ITPK1: variants seen among roughly 807,000 people sequenced by gnomAD.
ITPK1 encodes the protein inositol-tetrakisphosphate 1-kinase.
A neutral mutation model predicts 45.3 loss-of-function variants in ITPK1; 21 were observed. That is an observed-to-expected ratio of 0.46 (90% CI 0.33 to 0.67). ITPK1 has a LOEUF of 0.67. ITPK1 is among the 30% of genes least tolerant of loss of function. The pLI is 0.02. For missense variants in ITPK1, 474 were observed against 573.5 expected (o/e 0.83, Z 1.77); for synonymous variants, 258 against 253.6 (o/e 1.02, Z -0.16).
intron 3 of ITPK1, among the ~76,000 whole-genome samples, chr14:93,019,966 G>A (rs1888387298): frequency 6.6e-6 from 1 of 152,214 alleles, no homozygotes; most frequent in Admixed American, 6.5e-5. Flanking sequence ...GACGGGGTCT[G>A]GTTTGTCCCT....
At chr14:93,067,837 G>A (rs1320706317) in intron 3 of ITPK1, 2 of 153,086 alleles carry the variant, frequency 1.3e-5, no homozygotes, top group Non-Finnish European at 2.9e-5. Flanking sequence ...CATAGCCTAA[G>A]CAAATAGTAA....
Position 92,985,327 on chromosome 14 carries a change from G to A in ITPK1, c.364+8553C>T, listed in dbSNP as rs181279570. Among the ~76,000 whole-genome samples the A allele has an allele frequency of 2.4e-3, 359 of 152,194 alleles. 4 individuals are homozygous for A. Among genetic ancestry groups the A allele is most frequent in the African/African-American group, 8.5e-3 (351 of 41,530 alleles). ...ATTTAGGTCTTTCAATTATTGAATA[G>A]TTATCAATGTGAACTTCCTGGTTTA... is the stretch of plus-strand genomic sequence containing the variant. On this transcript the variant is annotated intron_variant, in intron 5 of 10. Transcript: ENST00000267615.
Position 93,025,341 on chromosome 14 carries a change from G to A in ITPK1, c.121-8540C>T, listed in dbSNP as rs371944137. ...TTGCTGTCTTTCTACTTTAGTTGTG[G>A]TGGTTTTGCCAGGCAGAAAATCTTG... On this transcript the variant is annotated intron_variant, in intron 3 of 10. Coordinates refer to ENST00000267615, the MANE Select transcript of ITPK1 (RefSeq NM_014216.6). Among the ~76,000 whole-genome samples, 6 of 152,360 alleles carry A rather than the reference G, an allele frequency of 3.9e-5. No homozygotes were observed. In the South Asian group the frequency reaches 8.3e-4, roughly 21 times the overall value.
At chr14:93,082,017 C>T (rs1010145023) in intron 2 of ITPK1, among the ~76,000 whole-genome samples, 33 of 151,450 alleles carry the variant, frequency 2.2e-4, no homozygotes, top group African/African-American at 6.1e-4. Context: ...CATCGCACTC[C>T]GGGTGTTGCT....
intron 2 of ITPK1, 27 bp downstream of exon 2, chr14:93,115,042 G>C (rs761175477): frequency 6.7e-7 from 1 of 1,501,226 alleles, no homozygotes; most frequent in South Asian, 1.2e-5. Flanking sequence ...GGGGGTCCCC[G>C]GGCGCCGGCG....
intron 2 of ITPK1, among the ~76,000 whole-genome samples, chr14:93,089,351 G>T (rs1891778109): frequency 6.6e-6 from 1 of 152,164 alleles, no homozygotes; most frequent in Admixed American, 6.5e-5. Context: ...TCTCCACACG[G>T]TTGACAGTCC....
In ITPK1 at chr14:92,981,497, G is replaced by T. The variant is rs1886226770; in HGVS notation, c.364+12383C>A. Among the ~76,000 whole-genome samples, 2 of 151,998 alleles carry T rather than the reference G, an allele frequency of 1.3e-5. 1 individual carries two copies. On this transcript the variant is annotated intron_variant, in intron 5 of 10. Coordinates refer to ENST00000267615, the MANE Select transcript of ITPK1 (RefSeq NM_014216.6). ...CCGCGAGAGCCCCACAGACAACCAG[G>T]ACCACCCCTTCCTGTGGCCCCGAGC...
chr14:92,942,005 G>T, intron 10 of ITPK1, 101 bp from the exon 11 acceptor site: 1 of 996,588 alleles, frequency 1.0e-6, no homozygotes, highest in Non-Finnish European at 1.5e-6. Flanking sequence ...CTGGGATGAG[G>T]CAGGGTGTGC....
At chr14:93,039,846 G>A (rs1253559999) in intron 3 of ITPK1, among the ~76,000 whole-genome samples, 1 of 152,226 alleles carries the variant, frequency 6.6e-6, no homozygotes, top group Non-Finnish European at 1.5e-5. Flanking sequence ...GGAAGTACAG[G>A]GTGGTTGGGA....
At chr14:92,990,085 G>T (rs1886704491) in intron 5 of ITPK1, among the ~76,000 whole-genome samples, 1 of 152,196 alleles carries the variant, frequency 6.6e-6, no homozygotes, top group Non-Finnish European at 1.5e-5. Context: ...TTCTTCCATG[G>T]TGATAAAACC....
chr14:92,994,685 G>A (rs563334109), intron 4 of ITPK1, among the ~76,000 whole-genome samples: 58 of 152,244 alleles, frequency 3.8e-4, no homozygotes, highest in African/African-American at 1.3e-3. Context: ...CTGACATAGC[G>A]AAGGAGCCCA....
Position 92,946,238 on chromosome 14 carries a change from C to T in ITPK1, c.901+93G>A, listed in dbSNP as rs114210515. Reference sequence around the variant, plus strand: ...ACCTCGTGGTGAGGGAGAAAGCTGGCTTTCTGGCCTCAGTCACCCCGCCTC... The same window carrying T: ...ACCTCGTGGTGAGGGAGAAAGCTGGTTTTCTGGCCTCAGTCACCCCGCCTC... On this transcript the variant is annotated intron_variant, in intron 10 of 10. Transcript: ENST00000267615. The T allele has an allele frequency of 1.0e-3, 1,480 of 1,454,072 alleles. 19 individuals carry two copies. The African/African-American group carries it at 0.019, about 19-fold the overall frequency. The allele number at this position is 1,454,072 out of a possible 1,614,324, so 90.1% of individuals were successfully genotyped here.
intron 2 of ITPK1, among the ~76,000 whole-genome samples, chr14:93,087,754 T>G (rs1891704966): frequency 6.6e-6 from 1 of 152,216 alleles, no homozygotes; most frequent in South Asian, 2.1e-4. Context: ...AATGAGGACC[T>G]GTCAGGAGTT....
chr14:92,972,635 T>A (rs908872803), intron 5 of ITPK1, among the ~76,000 whole-genome samples: 1 of 152,224 alleles, frequency 6.6e-6, no homozygotes, highest in South Asian at 2.1e-4. Flanking sequence ...GTCACCCAGG[T>A]TGGAGTGCAG....
intron 3 of ITPK1, chr14:93,069,869 A>C (rs1890918264): frequency 6.6e-6 from 1 of 152,220 alleles, no homozygotes; most frequent in African/African-American, 2.4e-5. Flanking sequence ...GCCAGCCAGC[A>C]CCAGCTCTGG....
intron 5 of ITPK1, among the ~76,000 whole-genome samples, chr14:92,967,226 A>T (rs1261440791): frequency 6.6e-6 from 1 of 152,242 alleles, no homozygotes; most frequent in East Asian, 1.9e-4. Context: ...CACTATCAAC[A>T]ACTGAACAAT....
At chr14:93,006,679 G>A (rs577001559) in intron 4 of ITPK1, among the ~76,000 whole-genome samples, 54 of 150,934 alleles carry the variant, frequency 3.6e-4, no homozygotes, top group African/African-American at 1.3e-3. Flanking sequence ...AGAAACCACA[G>A]GCTCTCTGGG....
chr14:93,113,522 G>A (rs1194185637), intron 2 of ITPK1, among the ~76,000 whole-genome samples: 1 of 152,178 alleles, frequency 6.6e-6, no homozygotes, highest in East Asian at 1.9e-4. Flanking sequence ...GGGGAGCTCC[G>A]GTGCCTCACA....
chr14:92,970,629 CGCA>C (rs1885598966), intron 5 of ITPK1, among the ~76,000 whole-genome samples: 1 of 150,092 alleles, frequency 6.7e-6, no homozygotes, highest in Non-Finnish European at 1.5e-5. Flanking sequence ...TCTAAGTTCT[CGCA>C]GCATCATTTT....
Sources: allele counts gnomAD v4.1 joint callset (sites outside exome capture counted in the v4.1 genomes callset), GRCh38; gene constraint gnomAD v4.1.1; transcripts MANE v1.5; gene names NCBI Gene and HGNC (gene_info 2026-07-23, HGNC 2026-07-21).